TENM1: variants seen among roughly 807,000 people sequenced by gnomAD.
TENM1 encodes teneurin-1.
In TENM1, 35 loss-of-function variants were observed where a neutral mutation model predicts 174.8. The observed-to-expected ratio is 0.20, with a 90% CI of 0.15 to 0.27. TENM1 has a LOEUF of 0.27. Among genes scored for constraint, TENM1 ranks in the 10% least tolerant of loss-of-function variants. TENM1 has a pLI of 1.00. For synonymous variants in TENM1, 781 were observed against 798.7 expected, an observed-to-expected ratio of 0.98 and a Z score of 0.37; for missense variants, 1,633 against 2,130.1, an observed-to-expected ratio of 0.77 and a Z score of 4.59.
At chrX:124,792,940 C>T (rs1477883193) in intron 3 of TENM1, among the ~76,000 whole-genome samples, 1 of 111,885 alleles carries the variant, frequency 8.9e-6, no homozygotes, top group Admixed American at 9.5e-5. Flanking sequence ...TGGGCCCTAA[C>T]ATATGGCTAA....
At chrX:124,810,419 G>T (rs888005698) in intron 3 of TENM1, among the ~76,000 whole-genome samples, 2 of 111,029 alleles carry the variant, frequency 1.8e-5, no homozygotes, top group Non-Finnish European at 3.8e-5. Context: ...AACTTAATGA[G>T]TTATCTGAAA....
At chrX:125,133,777 G>C in the TENM1 span, among the ~76,000 whole-genome samples, 2 of 111,414 alleles carry the variant, frequency 1.8e-5, no homozygotes, top group Non-Finnish European at 3.8e-5. Flanking sequence ...AATCGCCTTT[G>C]CTCCAGAAAA....
chrX:125,095,490 A>C, the TENM1 span, among the ~76,000 whole-genome samples: 1 of 111,843 alleles, frequency 8.9e-6, no homozygotes, highest in African/African-American at 3.3e-5. Flanking sequence ...TTATAGAAAA[A>C]TTAATTAATA....
chrX:124,509,761 C>T (rs1846876473), intron 18 of TENM1, among the ~76,000 whole-genome samples: 1 of 101,695 alleles, frequency 9.8e-6, no homozygotes, highest in Admixed American at 1.1e-4. Flanking sequence ...ACTCTTGTTG[C>T]CCAGGCTGGA....
At chrX:124,839,888 T>C (rs2147357160) in intron 3 of TENM1, among the ~76,000 whole-genome samples, 1 of 111,565 alleles carries the variant, frequency 9.0e-6, no homozygotes, top group South Asian at 3.8e-4. Flanking sequence ...CTGCTTTTAG[T>C]TTTGCTTATA....
chrX:124,892,032 TA>T (rs1368213391), intron 3 of TENM1, among the ~76,000 whole-genome samples: 2 of 111,521 alleles, frequency 1.8e-5, no homozygotes, highest in Non-Finnish European at 3.8e-5. Context: ...AGTATTAGTC[TA>T]TGAAGAGTAG....
chrX:124,614,806 C>T (rs113123166), intron 11 of TENM1, among the ~76,000 whole-genome samples: 3 of 112,303 alleles, frequency 2.7e-5, no homozygotes, highest in African/African-American at 9.7e-5. Flanking sequence ...TCGCTTCAAC[C>T]CAGGAGGTGG....
At chrX:124,396,304 C>CTTTTT (rs1257692658) in intron 27 of TENM1, among the ~76,000 whole-genome samples, 1 of 70,467 alleles carries the variant, frequency 1.4e-5, no homozygotes, top group Non-Finnish European at 2.6e-5. Context: ...CTCTCCCAAC[C>CTTTTT]TTTTTTTTTT....
At chrX:124,988,517 A>G in the TENM1 span, among the ~76,000 whole-genome samples, 1 of 111,600 alleles carries the variant, frequency 9.0e-6, no homozygotes, top group South Asian at 3.7e-4. Flanking sequence ...GTTTCAGAAA[A>G]TAACGGAGAA....
chrX:124,722,620 C>G (rs1288185354), intron 4 of TENM1, among the ~76,000 whole-genome samples: 2 of 110,344 alleles, frequency 1.8e-5, no homozygotes, highest in Admixed American at 9.6e-5. Flanking sequence ...GCGGGCGGAT[C>G]ACGAGGTCAG....
intron 23 of TENM1, among the ~76,000 whole-genome samples, chrX:124,446,897 G>A (rs1055869395): frequency 8.9e-6 from 1 of 112,153 alleles, no homozygotes; most frequent in African/African-American, 3.2e-5. Context: ...ATATGATGCT[G>A]CCATGTAGTG....
chrX:125,146,909 A>G, the TENM1 span, among the ~76,000 whole-genome samples: 3 of 111,133 alleles, frequency 2.7e-5, no homozygotes, highest in African/African-American at 9.8e-5. Context: ...TCTCAGGTCC[A>G]ATCTTTGGCT....
chrX:125,040,048 A>AT, the TENM1 span, among the ~76,000 whole-genome samples: 4 of 111,452 alleles, frequency 3.6e-5, no homozygotes, highest in East Asian at 1.1e-3. Context: ...ACTGATTACA[A>AT]TTTTTTCATT....
chrX:124,890,385 C>T (rs1394128596), intron 3 of TENM1, among the ~76,000 whole-genome samples: 1 of 111,814 alleles, frequency 8.9e-6, no homozygotes, highest in African/African-American at 3.3e-5. Context: ...CTAAGAAATG[C>T]TTATTAGAAA....
the TENM1 span, among the ~76,000 whole-genome samples, chrX:125,196,505 AG>A: frequency 2.9e-4 from 32 of 111,840 alleles, no homozygotes; most frequent in African/African-American, 9.7e-4. Flanking sequence ...ACAATTAAGC[AG>A]AGCAGCTTAA....
chrX:124,691,981 G>A (rs1384215312), intron 5 of TENM1, among the ~76,000 whole-genome samples: 1 of 111,534 alleles, frequency 9.0e-6, no homozygotes, highest in Non-Finnish European at 1.9e-5. Context: ...ACAGATAGAA[G>A]GGCTTTTCTG....
At chrX:124,605,632 G>A (rs1320830750) in intron 11 of TENM1, among the ~76,000 whole-genome samples, 2 of 111,265 alleles carry the variant, frequency 1.8e-5, no homozygotes, top group African/African-American at 6.5e-5. Flanking sequence ...AATGTCACTT[G>A]TCCAGTAACC....
At chrX:124,674,625 T>G (rs963812175) in intron 5 of TENM1, among the ~76,000 whole-genome samples, 2 of 111,685 alleles carry the variant, frequency 1.8e-5, no homozygotes, top group African/African-American at 6.5e-5. Flanking sequence ...GGAAATAATT[T>G]TAACTCAAAG....
At chrX:125,121,528 C>T in the TENM1 span, among the ~76,000 whole-genome samples, 4 of 111,667 alleles carry the variant, frequency 3.6e-5, no homozygotes, top group Non-Finnish European at 5.6e-5. Context: ...TTTTAAATGG[C>T]TACTTATTTG....
Sources: allele counts gnomAD v4.1 joint callset (sites outside exome capture counted in the v4.1 genomes callset), GRCh38; gene constraint gnomAD v4.1.1; transcripts MANE v1.5; gene names NCBI Gene and HGNC (gene_info 2026-07-23, HGNC 2026-07-21).